Variants in MYRIP observed in about 807,000 individuals in gnomAD.
The protein encoded by MYRIP is myosin VIIA and Rab interacting protein.
In MYRIP, 49 loss-of-function variants were observed where a neutral mutation model predicts 98.0. The observed-to-expected ratio is 0.50, with a 90% CI of 0.40 to 0.63. The LOEUF is 0.63. Among genes scored for constraint, MYRIP ranks in the 30% least tolerant of loss-of-function variants. The pLI, the probability that MYRIP is intolerant of heterozygous loss-of-function variation, is 0.00. For missense variants in MYRIP, 1,004 were observed against 1,058.2 expected (o/e 0.95, Z 0.71); for synonymous variants, 404 against 409.5 (o/e 0.99, Z 0.16).
chr3:40,166,370 T>C (rs771667458), intron 5 of MYRIP, among the ~76,000 whole-genome samples: 1 of 152,220 alleles, frequency 6.6e-6, no homozygotes. Flanking sequence ...CAGTGCTTCA[T>C]GTTAGGATAC....
At chr3:40,058,727 G>T (rs1196769054) in intron 3 of MYRIP, among the ~76,000 whole-genome samples, 2 of 151,960 alleles carry the variant, frequency 1.3e-5, no homozygotes, top group South Asian at 2.1e-4. Flanking sequence ...ATGGTACTTG[G>T]GTTGTATTCA....
At chr3:39,891,947 T>C (rs979808312) in intron 1 of MYRIP, among the ~76,000 whole-genome samples, 2 of 152,216 alleles carry the variant, frequency 1.3e-5, no homozygotes, top group African/African-American at 2.4e-5. Context: ...ACTTTGACTT[T>C]GTTGACTTTA....
intron 3 of MYRIP, among the ~76,000 whole-genome samples, chr3:40,045,386 G>A (rs1441462818): frequency 1.3e-5 from 2 of 152,128 alleles, no homozygotes; most frequent in Admixed American, 1.3e-4. Context: ...CAGGTCCTGT[G>A]CCTGACTTGG....
chr3:39,825,109 G>T (rs1221139222), intron 1 of MYRIP, among the ~76,000 whole-genome samples: 1 of 152,092 alleles, frequency 6.6e-6, no homozygotes, highest in Non-Finnish European at 1.5e-5. Flanking sequence ...AGAGTATTTT[G>T]ATTTTTTGCT....
intron 1 of MYRIP, among the ~76,000 whole-genome samples, chr3:39,827,263 C>T (rs1941295566): frequency 6.6e-6 from 1 of 152,114 alleles, no homozygotes; most frequent in African/African-American, 2.4e-5. Flanking sequence ...TTCGCATGTG[C>T]CACCATGCCC....
intron 11 of MYRIP, among the ~76,000 whole-genome samples, chr3:40,216,292 G>A (rs1952117542): frequency 6.6e-6 from 1 of 152,176 alleles, no homozygotes; most frequent in Admixed American, 6.6e-5. Context: ...GGCCTGGCAA[G>A]CAAGGCACTG....
intron 1 of MYRIP, among the ~76,000 whole-genome samples, chr3:39,857,921 T>C (rs1181666613): frequency 1.3e-5 from 2 of 151,980 alleles, no homozygotes; most frequent in African/African-American, 2.4e-5. Context: ...TATGAAAGTA[T>C]ACCATGACAA....
At chr3:40,228,875 C>T (rs937956515) in intron 11 of MYRIP, among the ~76,000 whole-genome samples, 27 of 152,194 alleles carry the variant, frequency 1.8e-4, no homozygotes, top group African/African-American at 6.5e-4. Flanking sequence ...CTGGAATCCC[C>T]GCTCTTTAAT....
chr3:39,931,868 T>C (rs1360553172), intron 2 of MYRIP, among the ~76,000 whole-genome samples: 1 of 152,224 alleles, frequency 6.6e-6, no homozygotes, highest in Admixed American at 6.5e-5. Context: ...TAATTGGTTA[T>C]GGTATTTGAT....
intron 12 of MYRIP, among the ~76,000 whole-genome samples, chr3:40,240,242 G>A (rs1952963976): frequency 2.0e-5 from 3 of 152,226 alleles, no homozygotes; most frequent in Admixed American, 1.3e-4. Context: ...ATTTCTGAGG[G>A]CTCTGTTGTG....
At chr3:39,932,268 T>C (rs1575391152) in intron 2 of MYRIP, among the ~76,000 whole-genome samples, 1 of 152,176 alleles carries the variant, frequency 6.6e-6, no homozygotes, top group African/African-American at 2.4e-5. Flanking sequence ...CTTGCACTAA[T>C]GTTTAAAGCG....
intron 2 of MYRIP, among the ~76,000 whole-genome samples, chr3:39,950,418 A>AT (rs1261710651): frequency 6.6e-6 from 1 of 151,998 alleles, no homozygotes; most frequent in Non-Finnish European, 1.5e-5. Flanking sequence ...TAATGCATAC[A>AT]TTTTTTCATA....
intron 2 of MYRIP, among the ~76,000 whole-genome samples, chr3:39,961,373 T>C (rs1945322382): frequency 6.6e-6 from 1 of 152,134 alleles, no homozygotes; most frequent in East Asian, 1.9e-4. Flanking sequence ...TGAAGTGGCT[T>C]ACTGATGTAA....
chr3:40,120,289 A>G (rs1949374020), intron 3 of MYRIP, among the ~76,000 whole-genome samples: 1 of 152,218 alleles, frequency 6.6e-6, no homozygotes, highest in Non-Finnish European at 1.5e-5. Flanking sequence ...ATTCACAGTA[A>G]TCAGATCATC....
chr3:40,061,661 C>G (rs1055000518), intron 3 of MYRIP, among the ~76,000 whole-genome samples: 5 of 152,204 alleles, frequency 3.3e-5, no homozygotes, highest in African/African-American at 1.2e-4. Flanking sequence ...AATTGCCATA[C>G]TGCTTTCCAC....
intron 1 of MYRIP, among the ~76,000 whole-genome samples, chr3:39,829,349 T>C (rs1188301943): frequency 2.0e-5 from 3 of 152,248 alleles, no homozygotes; most frequent in Non-Finnish European, 4.4e-5. Context: ...AACAGTTGCC[T>C]CTTCCAATTC....
At chr3:40,158,479 TG>T (rs1357655820) in intron 4 of MYRIP, among the ~76,000 whole-genome samples, 6 of 152,112 alleles carry the variant, frequency 3.9e-5, no homozygotes, top group Non-Finnish European at 8.8e-5. Context: ...TCTGTTGATT[TG>T]GGGTGGAGAG....
chr3:40,088,089 T>C (rs1203571601), intron 3 of MYRIP, among the ~76,000 whole-genome samples: 1 of 152,064 alleles, frequency 6.6e-6, no homozygotes, highest in Non-Finnish European at 1.5e-5. Context: ...GGCCAAGGGC[T>C]GGTTGACCTG....
intron 3 of MYRIP, among the ~76,000 whole-genome samples, chr3:40,114,775 G>A (rs977893274): frequency 7.2e-5 from 11 of 152,240 alleles, no homozygotes; most frequent in Middle Eastern, 3.2e-3. Flanking sequence ...GCTTGAATGT[G>A]CTTTCAGTGG....
Sources: gnomAD v4.1 joint callset for allele counts (sites outside exome capture counted in the v4.1 genomes callset) on GRCh38, gnomAD v4.1.1 for gene constraint, MANE v1.5 for transcripts, NCBI Gene and HGNC (gene_info 2026-07-23, HGNC 2026-07-21) for gene names.